The following SNCAIP variants were observed in gnomAD, a reference collection of about 807,000 sequenced individuals.
SNCAIP encodes the protein synphilin-1.
In SNCAIP, 43 loss-of-function variants were observed where a neutral mutation model predicts 86.7. The ratio of observed to expected loss-of-function variants is 0.50; its 90% CI spans 0.39 to 0.64. SNCAIP has a LOEUF of 0.64. SNCAIP is among the 30% of genes least tolerant of loss of function. The pLI, the probability that SNCAIP is intolerant of heterozygous loss-of-function variation, is 0.00. For missense variants in SNCAIP, 981 were observed against 1,103.1 expected (o/e 0.89, Z 1.57); for synonymous variants, 417 against 427.2 (o/e 0.98, Z 0.29).
At chr5:122,319,608 G>A (rs1482056640) in intron 1 of SNCAIP, among the ~76,000 whole-genome samples, 3 of 152,058 alleles carry the variant, frequency 2.0e-5, no homozygotes, top group Non-Finnish European at 2.9e-5. Context: ...CACATACCCC[G>A]CTTTGTATTT....
At chr5:122,348,300 A>G (rs1006824503) in intron 1 of SNCAIP, among the ~76,000 whole-genome samples, 4 of 152,178 alleles carry the variant, frequency 2.6e-5, no homozygotes, top group African/African-American at 9.6e-5. Flanking sequence ...CATATAAAAT[A>G]GCTTTCACTG....
intron 1 of SNCAIP, among the ~76,000 whole-genome samples, chr5:122,368,030 C>T (rs746826670): frequency 1.3e-5 from 2 of 152,062 alleles, no homozygotes; most frequent in Non-Finnish European, 2.9e-5. Context: ...ATGATTTAAC[C>T]CAAGTCTTCT....
chr5:122,347,428 C>A (rs1001085051), intron 1 of SNCAIP, among the ~76,000 whole-genome samples: 3 of 149,112 alleles, frequency 2.0e-5, no homozygotes, highest in Admixed American at 2.0e-4. Context: ...CTTGACAGGC[C>A]TCTGTGCTTG....
At chr5:122,438,995 T>C (rs1450427159) in intron 6 of SNCAIP, among the ~76,000 whole-genome samples, 1 of 152,208 alleles carries the variant, frequency 6.6e-6, no homozygotes, top group East Asian at 1.9e-4. Flanking sequence ...TTATGTCTTT[T>C]ATCCTGAGAT....
chr5:122,402,406 G>A (rs966642315), intron 2 of SNCAIP, among the ~76,000 whole-genome samples: 1 of 152,166 alleles, frequency 6.6e-6, no homozygotes, highest in South Asian at 2.1e-4. Context: ...GAGCATGTGG[G>A]TGGGTTTGCT....
At chr5:122,390,119 A>G (rs1482704569) in intron 1 of SNCAIP, among the ~76,000 whole-genome samples, 2 of 152,200 alleles carry the variant, frequency 1.3e-5, no homozygotes, top group Non-Finnish European at 2.9e-5. Context: ...AGACAATCAA[A>G]GAGGGCAAAA....
intron 1 of SNCAIP, among the ~76,000 whole-genome samples, chr5:122,336,173 CAAGAGAGAGA>C (rs1323549737): frequency 2.0e-5 from 3 of 151,174 alleles, no homozygotes; most frequent in African/African-American, 7.3e-5. Context: ...TACTGGTTAT[CAAGAGAGAGA>C]GAGAGAGAAA....
chr5:122,422,537 G>T (rs559845897), intron 3 of SNCAIP, among the ~76,000 whole-genome samples: 1 of 152,060 alleles, frequency 6.6e-6, no homozygotes, highest in African/African-American at 2.4e-5. Flanking sequence ...TTTTCAGGGT[G>T]GTGACAAATA....
At chr5:122,323,926 G>A (rs575230640) in intron 1 of SNCAIP, among the ~76,000 whole-genome samples, 22 of 152,152 alleles carry the variant, frequency 1.4e-4, no homozygotes, top group African/African-American at 4.6e-4. Flanking sequence ...TCGTACAACC[G>A]TTTTTAAAAA....
intron 1 of SNCAIP, chr5:122,323,283 T>C (rs1389318886): frequency 6.6e-6 from 1 of 152,184 alleles, no homozygotes; most frequent in Non-Finnish European, 1.5e-5. Context: ...AAAAATACAA[T>C]TTAAAAGTCT....
intron 1 of SNCAIP, among the ~76,000 whole-genome samples, chr5:122,360,890 A>G (rs1762068962): frequency 6.6e-6 from 1 of 152,158 alleles, no homozygotes; most frequent in Admixed American, 6.6e-5. Flanking sequence ...CATTATCTGA[A>G]TAATCAGGAG....
chr5:122,438,159 AC>A (rs1398287774), intron 6 of SNCAIP, among the ~76,000 whole-genome samples: 1 of 152,172 alleles, frequency 6.6e-6, no homozygotes, highest in African/African-American at 2.4e-5. Flanking sequence ...CCTTACATTA[AC>A]CTGGTTTCTT....
rs143468222 is a variant in SNCAIP, at chr5:122,450,987, G to T, written c.2140G>T (p.Ala714Ser). 6 of 1,614,106 alleles carry T rather than the reference G, an allele frequency of 3.7e-6. No homozygotes were observed. The South Asian group carries it at 4.4e-5, about 12-fold the overall frequency. The change falls in exon 10 of 11, where the codon GCA (alanine) becomes TCA (serine). Residue 714 changes from alanine to serine, a missense_variant. By Grantham distance (99) the Ala-to-Ser change is moderately conservative. Coordinates refer to ENST00000261368, the MANE Select transcript of SNCAIP (RefSeq NM_005460.4). ...IVESVESMDS[A>S]ESLHLMIKKH... ...AGAAAGCGTAGAGAGTATGGACAGC[G>T]CAGAAAGCCTGCACCTGATGATTAA...
chr5:122,414,380 A>G (rs1408663545), intron 3 of SNCAIP, among the ~76,000 whole-genome samples: 54 of 148,778 alleles, frequency 3.6e-4, no homozygotes, highest in Admixed American at 3.6e-3. Context: ...ACAGGCATGC[A>G]CCACCATGCC....
intron 1 of SNCAIP, among the ~76,000 whole-genome samples, chr5:122,355,542 A>G (rs920564074): frequency 6.6e-6 from 1 of 152,206 alleles, no homozygotes; most frequent in Admixed American, 6.5e-5. Flanking sequence ...CCATAAACTC[A>G]ACATGCCAGT....
At chr5:122,318,914 T>G (rs1752364668) in intron 1 of SNCAIP, among the ~76,000 whole-genome samples, 1 of 152,052 alleles carries the variant, frequency 6.6e-6, no homozygotes, top group Non-Finnish European at 1.5e-5. Flanking sequence ...TACAATTACT[T>G]TCTTATTTAG....
chr5:122,402,102 A>C (rs1771941407), intron 2 of SNCAIP, among the ~76,000 whole-genome samples: 1 of 152,106 alleles, frequency 6.6e-6, no homozygotes, highest in African/African-American at 2.4e-5. Flanking sequence ...AAAAAAAAAA[A>C]GAGTGAGACT....
intron 1 of SNCAIP, among the ~76,000 whole-genome samples, chr5:122,385,886 G>A (rs972569526): frequency 5.3e-5 from 8 of 152,080 alleles, no homozygotes; most frequent in Non-Finnish European, 1.2e-4. Context: ...CTGGTAAATG[G>A]AGCAATAGCG....
chr5:122,376,865 G>A (rs917884302), intron 1 of SNCAIP, among the ~76,000 whole-genome samples: 1 of 152,120 alleles, frequency 6.6e-6, no homozygotes, highest in Admixed American at 6.6e-5. Flanking sequence ...TTTCATGGGT[G>A]TTTGTCAATG....
Sources: gnomAD v4.1 joint callset for allele counts (sites outside exome capture counted in the v4.1 genomes callset) on GRCh38, gnomAD v4.1.1 for gene constraint, MANE v1.5 for transcripts, NCBI Gene and HGNC (gene_info 2026-07-23, HGNC 2026-07-21) for gene names.